The following BANK1 variants were observed in gnomAD, a reference collection of about 807,000 sequenced individuals.
The protein encoded by BANK1 is B-cell scaffold protein with ankyrin repeats.
A neutral mutation model predicts 94.5 loss-of-function variants in BANK1; 95 were observed. The ratio of observed to expected loss-of-function variants is 1.00; its 90% CI spans 0.85 to 1.19. The LOEUF is 1.19. BANK1 is among the 50% of genes most tolerant of loss of function. The probability of loss-of-function intolerance (pLI) is 0.00; values close to 1 mark genes in which losing one functional copy is unlikely to be tolerated. For missense variants in BANK1, 987 were observed against 932.2 expected, an observed-to-expected ratio of 1.06 and a Z score of -0.77; for synonymous variants, 334 against 308.4, an observed-to-expected ratio of 1.08 and a Z score of -0.87.
intron 13 of BANK1, among the ~76,000 whole-genome samples, chr4:102,064,049 A>C (rs941654180): frequency 2.6e-5 from 4 of 152,160 alleles, no homozygotes; most frequent in Non-Finnish European, 5.9e-5. Context: ...AAAATTAAAA[A>C]TAAATTACGT....
At chr4:101,963,724 T>C (rs1399925813) in intron 7 of BANK1, among the ~76,000 whole-genome samples, 1 of 152,110 alleles carries the variant, frequency 6.6e-6, no homozygotes, top group East Asian at 1.9e-4. Context: ...ACAGAAACAA[T>C]TTTCACTTCG....
intron 7 of BANK1, among the ~76,000 whole-genome samples, chr4:101,939,676 A>G (rs1723679505): frequency 6.6e-6 from 1 of 151,670 alleles, no homozygotes; most frequent in South Asian, 2.1e-4. Context: ...AGCTACAAGG[A>G]ATGAGAAATG....
At chr4:101,824,082 G>A (rs1670873557) in intron 1 of BANK1, among the ~76,000 whole-genome samples, 1 of 152,210 alleles carries the variant, frequency 6.6e-6, no homozygotes, top group Non-Finnish European at 1.5e-5. Flanking sequence ...TCTGGTTACT[G>A]TGTAGAACAA....
intron 7 of BANK1, among the ~76,000 whole-genome samples, chr4:101,936,941 G>A (rs1433332219): frequency 6.6e-6 from 1 of 151,578 alleles, no homozygotes; most frequent in Non-Finnish European, 1.5e-5. Flanking sequence ...ATATGATCCA[G>A]CAATCCCGCT....
intron 11 of BANK1, among the ~76,000 whole-genome samples, chr4:102,046,352 A>C (rs1727877959): frequency 6.6e-6 from 1 of 152,152 alleles, no homozygotes; most frequent in Non-Finnish European, 1.5e-5. Context: ...TTTTGCCATA[A>C]TACAATTAAT....
intron 3 of BANK1, among the ~76,000 whole-genome samples, chr4:101,856,635 A>C (rs776508331): frequency 6.6e-6 from 1 of 152,140 alleles, no homozygotes; most frequent in Non-Finnish European, 1.5e-5. Flanking sequence ...CCCTTCTCTT[A>C]CTAAATTTTC....
chr4:101,797,986 A>G (rs538956581), intron 1 of BANK1, among the ~76,000 whole-genome samples: 3 of 152,234 alleles, frequency 2.0e-5, no homozygotes, highest in Admixed American at 6.5e-5. Flanking sequence ...GAGTTGCTCA[A>G]TATGACTGAG....
intron 7 of BANK1, among the ~76,000 whole-genome samples, chr4:101,977,835 G>A (rs1725187149): frequency 6.6e-6 from 1 of 152,110 alleles, no homozygotes; most frequent in African/African-American, 2.4e-5. Flanking sequence ...AAAAATACCT[G>A]ATTCTATTTA....
At chr4:102,009,058 C>T (rs184767926) in intron 7 of BANK1, among the ~76,000 whole-genome samples, 122 of 152,352 alleles carry the variant, frequency 8.0e-4, no homozygotes, top group Admixed American at 7.8e-3. Flanking sequence ...CTTACTTGTG[C>T]TTTCAAATGC....
intron 7 of BANK1, among the ~76,000 whole-genome samples, chr4:101,979,194 T>A (rs114033645): frequency 1.3e-5 from 2 of 151,952 alleles, no homozygotes; most frequent in African/African-American, 4.8e-5. Context: ...TGTTCTATTC[T>A]CTGAAAAGAA....
chr4:102,014,833 G>A (rs1726637808), intron 7 of BANK1, among the ~76,000 whole-genome samples: 1 of 151,872 alleles, frequency 6.6e-6, no homozygotes, highest in Non-Finnish European at 1.5e-5. Flanking sequence ...GCATGTTTTG[G>A]TAAAGTTATC....
intron 2 of BANK1, among the ~76,000 whole-genome samples, chr4:101,848,678 T>C (rs1727348291): frequency 6.6e-6 from 1 of 152,266 alleles, no homozygotes; most frequent in African/African-American, 2.4e-5. Flanking sequence ...TGCTTCATGC[T>C]TTATTATTTA....
intron 7 of BANK1, among the ~76,000 whole-genome samples, chr4:101,940,410 T>G (rs2084463080): frequency 6.6e-6 from 1 of 151,786 alleles, no homozygotes; most frequent in Non-Finnish European, 1.5e-5. Context: ...TATTATAGTA[T>G]GCTTGCCTCA....
intron 2 of BANK1, among the ~76,000 whole-genome samples, chr4:101,842,859 A>G (rs763871074): frequency 2.6e-5 from 4 of 152,168 alleles, no homozygotes; most frequent in Non-Finnish European, 5.9e-5. Context: ...GCACCTCTGC[A>G]TTCTAGGTTT....
At chr4:101,922,009 C>CGTGTGTGTGTGTGTGT (rs68027862) in intron 7 of BANK1, among the ~76,000 whole-genome samples, 19 of 129,450 alleles carry the variant, frequency 1.5e-4, no homozygotes, top group South Asian at 5.6e-4. Context: ...ACACTGGGCC[C>CGTGTGTGTGTGTGTGT]GTGTGTGTGT....
intron 6 of BANK1, among the ~76,000 whole-genome samples, chr4:101,907,774 G>A (rs962730405): frequency 2.6e-5 from 4 of 152,152 alleles, no homozygotes; most frequent in African/African-American, 9.7e-5. Context: ...GACAAACAGA[G>A]AGCAAAATCA....
chr4:101,904,037 G>A (rs545454113), intron 6 of BANK1, among the ~76,000 whole-genome samples: 10 of 152,300 alleles, frequency 6.6e-5, no homozygotes, highest in Non-Finnish European at 1.0e-4. Context: ...CCCCACAAAC[G>A]TCTGGAAAAT....
intron 5 of BANK1, among the ~76,000 whole-genome samples, chr4:101,882,615 G>A (rs905504685): frequency 6.6e-6 from 1 of 152,210 alleles, no homozygotes; most frequent in African/African-American, 2.4e-5. Context: ...AGGAGCAAGA[G>A]TTAGATTCTT....
chr4:101,885,385 T>G (rs1268958433), intron 5 of BANK1, among the ~76,000 whole-genome samples: 4 of 152,208 alleles, frequency 2.6e-5, no homozygotes, highest in Non-Finnish European at 2.9e-5. Context: ...CCTCTCCCTG[T>G]GCATTCCAGG....
Sources: gnomAD v4.1 joint callset for allele counts (sites outside exome capture counted in the v4.1 genomes callset) on GRCh38, gnomAD v4.1.1 for gene constraint, MANE v1.5 for transcripts, NCBI Gene and HGNC (gene_info 2026-07-23, HGNC 2026-07-21) for gene names.